Variants in PDSS2 observed in about 807,000 individuals in gnomAD.
PDSS2 encodes the protein all trans-polyprenyl-diphosphate synthase PDSS2.
Under a neutral mutation model 44.5 loss-of-function variants are expected in PDSS2, and 31 were observed. The ratio of observed to expected loss-of-function variants is 0.70; its 90% CI spans 0.52 to 0.94. The LOEUF (loss-of-function observed/expected upper bound fraction) is 0.94, where lower values mean the gene tolerates loss of function less well. Ranked by LOEUF, PDSS2 falls within the 40% of genes least tolerant of loss-of-function variation. PDSS2 has a pLI of 0.00. For synonymous variants in PDSS2, 157 were observed against 180.3 expected (o/e 0.87, Z 1.03); for missense variants, 452 against 482.2 (o/e 0.94, Z 0.59).
At chr6:107,207,118 G>A (rs1582784610) in intron 6 of PDSS2, among the ~76,000 whole-genome samples, 2 of 151,366 alleles carry the variant, frequency 1.3e-5, no homozygotes, top group Non-Finnish European at 2.9e-5. Context: ...TTAGCCTCCC[G>A]AGTAGCTGGG....
chr6:107,425,960 C>CGAA (rs1322814447), intron 1 of PDSS2, among the ~76,000 whole-genome samples: 11 of 135,058 alleles, frequency 8.1e-5, no homozygotes, highest in African/African-American at 2.8e-4. Context: ...GACTTCGTCT[C>CGAA]GAAAAAAAAA....
intron 5 of PDSS2, among the ~76,000 whole-genome samples, chr6:107,210,963 T>C (rs969480671): frequency 1.1e-3 from 152 of 144,308 alleles, no homozygotes; most frequent in African/African-American, 3.7e-3. Context: ...GCCACTGCAC[T>C]CCCCTCTGGG....
At position 107,278,036 on chromosome 6, in the gene PDSS2, T is replaced by TA. The variant is rs773219878; in HGVS notation, c.432-3810dup. Among the ~76,000 whole-genome samples the TA allele has an allele frequency of 3.4e-4, 51 of 151,422 alleles. No homozygotes were observed. The East Asian group carries it at 7.5e-3, about 22-fold the overall frequency. On this transcript the variant is annotated intron_variant, in intron 2 of 7. Coordinates refer to ENST00000369037, the MANE Select transcript of PDSS2 (RefSeq NM_020381.4). ...ATCAAATAATATATGAGACTCCTCT[T>TA]AAAAAAAACAGAATGGTTTAACATC...
chr6:107,314,007 G>C (rs1777127596), intron 2 of PDSS2, among the ~76,000 whole-genome samples: 1 of 152,044 alleles, frequency 6.6e-6, no homozygotes. Flanking sequence ...AGCACTTGTA[G>C]TCCCAGCTAC....
intron 7 of PDSS2, among the ~76,000 whole-genome samples, chr6:107,180,020 A>T (rs949640858): frequency 1.3e-5 from 2 of 152,230 alleles, no homozygotes; most frequent in African/African-American, 4.8e-5. Context: ...TACGTTCAGT[A>T]TCTATACAGA....
Sources: allele counts gnomAD v4.1 joint callset (sites outside exome capture counted in the v4.1 genomes callset), GRCh38; gene constraint gnomAD v4.1.1; transcripts MANE v1.5; gene names NCBI Gene and HGNC (gene_info 2026-07-23, HGNC 2026-07-21).